The following CDKAL1 variants were observed in gnomAD, a reference collection of about 807,000 sequenced individuals.
CDKAL1 encodes the protein CDKAL1 threonylcarbamoyladenosine tRNA methylthiotransferase, also known as threonylcarbamoyladenosine tRNA methylthiotransferase.
Under a neutral mutation model 68.2 loss-of-function variants are expected in CDKAL1, and 32 were observed. That is an observed-to-expected ratio of 0.47 (90% CI 0.35 to 0.63). The LOEUF (loss-of-function observed/expected upper bound fraction) is 0.63. Among genes scored for constraint, CDKAL1 ranks in the 30% least tolerant of loss-of-function variants. The pLI is 0.00. For missense variants in CDKAL1, 606 were observed against 696.7 expected (o/e 0.87, Z 1.47); for synonymous variants, 234 against 244.3 (o/e 0.96, Z 0.39).
At chr6:20,814,928 T>C (rs922587285) in intron 8 of CDKAL1, among the ~76,000 whole-genome samples, 2 of 152,210 alleles carry the variant, frequency 1.3e-5, no homozygotes, top group African/African-American at 4.8e-5. Flanking sequence ...CCATGCTTTC[T>C]TGGGGTTCCC....
chr6:20,940,047 CT>C (rs1228114800), intron 9 of CDKAL1, among the ~76,000 whole-genome samples: 3 of 152,114 alleles, frequency 2.0e-5, no homozygotes, highest in Non-Finnish European at 4.4e-5. Context: ...ATACAATAGT[CT>C]CTATTTTGTA....
intron 8 of CDKAL1, among the ~76,000 whole-genome samples, chr6:20,816,120 TCCC>T (rs113420828): frequency 5.8e-5 from 5 of 86,538 alleles, no homozygotes; most frequent in Non-Finnish European, 9.8e-5. Flanking sequence ...CCTTAATATG[TCCC>T]CCCCCCCGCC....
intron 8 of CDKAL1, among the ~76,000 whole-genome samples, chr6:20,841,763 A>C (rs1379602867): frequency 6.6e-6 from 1 of 152,238 alleles, no homozygotes; most frequent in Non-Finnish European, 1.5e-5. Flanking sequence ...AAAAATAAAA[A>C]TAATAAAAAA....
intron 9 of CDKAL1, among the ~76,000 whole-genome samples, chr6:20,922,349 TCTTACAGTATTCCTGATTGCTGGG>T (rs1161185385): frequency 2.0e-5 from 3 of 152,190 alleles, no homozygotes; most frequent in Non-Finnish European, 4.4e-5. Context: ...TTCTTCACCC[TCTTACAGTATTCCTGATTGCTGGG>T]AAGTTTGGAA....
chr6:21,181,508 A>G (rs1777788648), intron 13 of CDKAL1, among the ~76,000 whole-genome samples: 1 of 152,218 alleles, frequency 6.6e-6, no homozygotes, highest in Admixed American at 6.5e-5. Context: ...ATGCAGCAAG[A>G]AGGCCCTCAC....
intron 10 of CDKAL1, among the ~76,000 whole-genome samples, chr6:20,965,317 AAGAGG>A (rs998871414): frequency 1.2e-4 from 13 of 111,330 alleles, no homozygotes; most frequent in South Asian, 3.5e-4. Context: ...TTGAGAAGAG[AAGAGG>A]AGGGGAGGGG....
chr6:20,899,822 G>T (rs1273639205), intron 9 of CDKAL1, among the ~76,000 whole-genome samples: 1 of 152,124 alleles, frequency 6.6e-6, no homozygotes, highest in East Asian at 1.9e-4. Flanking sequence ...CAACCTGGGC[G>T]ACAGAGCGAA....
At chr6:21,037,055 C>CT (rs1210726897) in intron 11 of CDKAL1, among the ~76,000 whole-genome samples, 3 of 151,966 alleles carry the variant, frequency 2.0e-5, no homozygotes, top group Non-Finnish European at 4.4e-5. Flanking sequence ...TTTTTTTGGA[C>CT]TTTTTTTGTT....
At chr6:20,536,124 G>A (rs1359235315) in intron 2 of CDKAL1, among the ~76,000 whole-genome samples, 1 of 145,226 alleles carries the variant, frequency 6.9e-6, no homozygotes, top group African/African-American at 2.6e-5. Flanking sequence ...TTTTTGTAGC[G>A]ATAGGGTCCG....
intron 13 of CDKAL1, among the ~76,000 whole-genome samples, chr6:21,196,631 A>C (rs1778479280): frequency 6.6e-6 from 1 of 152,100 alleles, no homozygotes; most frequent in South Asian, 2.1e-4. Context: ...TTTGTTTTTT[A>C]ATTGTTAGGT....
intron 10 of CDKAL1, among the ~76,000 whole-genome samples, chr6:20,982,868 A>AT (rs1766231746): frequency 6.6e-6 from 1 of 152,174 alleles, no homozygotes. Flanking sequence ...AAAAAACAAC[A>AT]TTTTTTAGAA....
intron 6 of CDKAL1, among the ~76,000 whole-genome samples, chr6:20,753,145 G>C (rs376806088): frequency 6.7e-6 from 1 of 148,924 alleles, no homozygotes; most frequent in Non-Finnish European, 1.5e-5. Flanking sequence ...CAAAAAAAAC[G>C]CAGGTACTTC....
chr6:21,202,377 A>T (rs755682580), intron 15 of CDKAL1, among the ~76,000 whole-genome samples: 6 of 151,716 alleles, frequency 4.0e-5, no homozygotes, highest in Non-Finnish European at 7.4e-5. Flanking sequence ...AAACATAACC[A>T]TTCATTTTTG....
intron 10 of CDKAL1, among the ~76,000 whole-genome samples, chr6:20,994,019 G>C (rs201342): frequency 0.91 from 137,877 of 152,200 alleles, 62,494 homozygotes; most frequent in Middle Eastern, 0.94. Context: ...CATGTGAGCA[G>C]ATACATGCCC....
intron 8 of CDKAL1, among the ~76,000 whole-genome samples, chr6:20,799,500 T>TAAAG (rs56276554): frequency 0.95 from 145,232 of 152,120 alleles, 69,357 homozygotes; most frequent in East Asian, 1. Context: ...AAATAATAAA[T>TAAAG]AAGAATTTTT....
chr6:20,655,281 A>G (rs890396875), intron 5 of CDKAL1, among the ~76,000 whole-genome samples: 1 of 152,126 alleles, frequency 6.6e-6, no homozygotes, highest in Admixed American at 6.6e-5. Context: ...AATGTGAAGG[A>G]TGGTTGTGTG....
chr6:20,929,272 T>TG, intron 9 of CDKAL1, among the ~76,000 whole-genome samples: 1 of 152,286 alleles, frequency 6.6e-6, no homozygotes, highest in Non-Finnish European at 1.5e-5. Context: ...CTCAGTTTTT[T>TG]TGGGGACTAC....
intron 2 of CDKAL1, among the ~76,000 whole-genome samples, chr6:20,541,730 G>A (rs1458058384): frequency 6.6e-6 from 1 of 151,962 alleles, no homozygotes; most frequent in Non-Finnish European, 1.5e-5. Flanking sequence ...GCGCGATCTC[G>A]GCTAACCAAA....
At chr6:20,627,595 G>C (rs1375440632) in intron 4 of CDKAL1, among the ~76,000 whole-genome samples, 1 of 152,032 alleles carries the variant, frequency 6.6e-6, no homozygotes, top group East Asian at 1.9e-4. Flanking sequence ...ATAAATTTTA[G>C]AATAAGTTTG....
Sources: allele counts gnomAD v4.1 joint callset (sites outside exome capture counted in the v4.1 genomes callset), GRCh38; gene constraint gnomAD v4.1.1; transcripts MANE v1.5; gene names NCBI Gene and HGNC (gene_info 2026-07-23, HGNC 2026-07-21).